Variants in CPT2 observed in about 807,000 individuals in gnomAD.
CPT2 encodes the protein carnitine O-palmitoyltransferase 2, mitochondrial.
CPT2 carries 37 observed loss-of-function variants against 48.6 expected under a neutral mutation model. That is an observed-to-expected ratio of 0.76 (90% CI 0.59 to 1.00). The LOEUF is 1.00. Among genes scored for constraint, CPT2 ranks in the 50% least tolerant of loss-of-function variants. The pLI, the probability that CPT2 is intolerant of heterozygous loss-of-function variation, is 0.00. For synonymous variants in CPT2, 319 were observed against 326.9 expected (o/e 0.98, Z 0.26); for missense variants, 772 against 825.6 (o/e 0.94, Z 0.80).
At chr1:53,213,235 ACT>A (rs1433563073) in intron 4 of CPT2, 27 bp from the exon 5 acceptor site, 1 of 1,611,976 alleles carries the variant, frequency 6.2e-7, no homozygotes, top group Non-Finnish European at 8.5e-7. Flanking sequence ...CCATCCTGAG[ACT>A]CTGGTTTTCC....
At position 53,202,442 on chromosome 1, in the gene CPT2, G is replaced by A; in HGVS notation, c.340+13G>A. On this transcript the variant is annotated intron_variant, in intron 3 of 4. Transcript: ENST00000371486. Reference sequence around the variant, plus strand: ...AGCTACATTTCGGGTAGGTAGGCTGGGCTGTGGGTATGATTTCTCCCAGAG... The same window carrying A: ...AGCTACATTTCGGGTAGGTAGGCTGAGCTGTGGGTATGATTTCTCCCAGAG... The A allele has an allele frequency of 6.3e-7, 1 of 1,594,028 alleles. No homozygotes were observed.
intron 3 of CPT2, chr1:53,202,896 A>G (rs1645363287): frequency 5.8e-6 from 1 of 173,582 alleles, no homozygotes. Context: ...TTGCCTGGCA[A>G]ATTCTTCTTT....
intron 3 of CPT2, among the ~76,000 whole-genome samples, chr1:53,207,221 TCTCTTCTTTATAA>T (rs1645394818): frequency 6.6e-6 from 1 of 152,202 alleles, no homozygotes; most frequent in Non-Finnish European, 1.5e-5. Flanking sequence ...CAGTTAAGCT[TCTCTTCTTTATAA>T]ATTATCCAGT....
intron 1 of CPT2, 93 bp downstream of exon 1, chr1:53,197,188 G>T: frequency 6.8e-7 from 1 of 1,463,164 alleles, no homozygotes; most frequent in Non-Finnish European, 9.2e-7. Context: ...TAGTGAACCC[G>T]TTTCCGCCCC....
intron 1 of CPT2, 59 bp from the exon 2 acceptor site, chr1:53,200,660 A>G: frequency 1.6e-6 from 2 of 1,285,812 alleles, no homozygotes; most frequent in Non-Finnish European, 2.3e-6. Context: ...TTAGCTTGTA[A>G]AGCTAATTAA....
In CPT2 at chr1:53,213,512, A is replaced by G. The variant is rs1042375038; in HGVS notation, c.1894A>G (p.Asn632Asp). 1.9e-6 allele frequency: 3 copies of G among 1,614,244 alleles called. No individual in the cohort carries two copies. The highest frequency in any genetic ancestry group is 3.3e-5 in the Admixed American group (2 of 60,032). Residue 632 changes from asparagine to aspartate, a missense_variant, in exon 5 of 5, where the codon AAT (asparagine) becomes GAT (aspartate). Transcript: ENST00000371486. ...CAATGTCTCTTCCTACCCAGGCCGC[A>G]ATGCCCGGGAGTTTCTCCAATGTGT... ...GCNVSSYPGR[N>D]AREFLQCVEK...
chr1:53,212,918 T>C lies in CPT2; in HGVS notation c.1646-346T>C, dbSNP rs1266487166. The C allele has an allele frequency of 2.4e-5, 12 of 493,442 alleles. No homozygotes were observed. In the Admixed American group the frequency reaches 4.5e-4, roughly 18 times the overall value. The allele number at this position is 493,442 out of a possible 1,614,324, so 30.6% of individuals were successfully genotyped here. ...TACACTTGAATCAGACTTTTAGTTT[T>C]ATTGTAGTTTTTGAGTCCATAGCTG... On this transcript the variant is annotated intron_variant, in intron 4 of 4. Transcript: ENST00000371486.
chr1:53,211,903 T>G (rs1416127143), intron 4 of CPT2, among the ~76,000 whole-genome samples: 1 of 151,868 alleles, frequency 6.6e-6, no homozygotes, highest in African/African-American at 2.4e-5. Flanking sequence ...CTGGCCTTTT[T>G]TTTTTTGGAG....
chr1:53,200,974 C>T (rs1645351757), intron 2 of CPT2, 175 bp downstream of exon 2: 1 of 674,718 alleles, frequency 1.5e-6, no homozygotes, highest in Non-Finnish European at 2.7e-6. Context: ...AAGGACTGAC[C>T]AAGCCCCGAG....
intron 3 of CPT2, among the ~76,000 whole-genome samples, chr1:53,207,115 C>G (rs932750621): frequency 6.6e-6 from 1 of 152,218 alleles, no homozygotes; most frequent in African/African-American, 2.4e-5. Flanking sequence ...TGCTTGTTCT[C>G]TCTCCTGCTG....
At chr1:53,208,618 C>T (rs1327303309) in intron 3 of CPT2, 2 of 152,158 alleles carry the variant, frequency 1.3e-5, no homozygotes, top group Non-Finnish European at 2.9e-5. Context: ...TGAAGACGTT[C>T]CCCCCTTATC....
At chr1:53,203,794 T>TC (rs1382223473) in intron 3 of CPT2, 1 of 151,540 alleles carries the variant, frequency 6.6e-6, no homozygotes, top group African/African-American at 2.4e-5. Flanking sequence ...TTTTTTTTTT[T>TC]TTAAATCAGA....
At position 53,210,804 on chromosome 1, in the gene CPT2, G is replaced by T; in HGVS notation, c.1130G>T (p.Gly377Val). 1 of 1,614,168 alleles carries T rather than the reference G, an allele frequency of 6.2e-7. No homozygotes were observed. The highest frequency in any genetic ancestry group is 2.2e-5 in the East Asian group (1 of 44,880). Residue 377 changes from glycine to valine, a missense_variant, in exon 4 of 5, where the codon GGT becomes GTT. Coordinates refer to ENST00000371486, the MANE Select transcript of CPT2 (RefSeq NM_000098.3). ...CACTTTGAGCACTCTTGGGGTGATGGTGTGGCAGTGCTCAGATTTTTTAAT... is the reference window on the plus strand; with the variant it reads ...CACTTTGAGCACTCTTGGGGTGATGTTGTGGCAGTGCTCAGATTTTTTAAT... ...AVHFEHSWGDGVAVLRFFNEV... is the reference protein window; with the variant it reads ...AVHFEHSWGDVVAVLRFFNEV...
In CPT2 at chr1:53,196,942, C is replaced by T; in HGVS notation, c.-2C>T. On this transcript the variant is annotated 5_prime_UTR_variant, in exon 1 of 5. It adds an upstream start codon to the 5' untranslated region. Transcript: ENST00000371486. ...TTCTCGCCGCCGCAGGCTCCCGGGA[C>T]GATGGTGCCCCGCCTGCTGCTGCGC... 1 of 1,544,882 alleles carries T rather than the reference C, an allele frequency of 6.5e-7. No homozygotes were observed. Among genetic ancestry groups the T allele is most frequent in the Non-Finnish European group, 8.7e-7 (1 of 1,154,322 alleles).
In CPT2 at chr1:53,210,226, C is replaced by G. The variant is rs1236021604; in HGVS notation, c.552C>G (p.Asp184Glu). The change falls in exon 4 of 5, where the codon GAC becomes GAG. Residue 184 changes from aspartate to glutamate, a missense_variant. By Grantham distance (45) the Asp-to-Glu change is conservative. Transcript: ENST00000371486. Reference protein sequence around the residue: ...EVFHLNPAKSDTITFKRLIRF... With the variant: ...EVFHLNPAKSETITFKRLIRF... ...TCCACTTGAACCCTGCAAAAAGTGA[C>G]ACTATCACCTTCAAGAGACTCATAC... 1.2e-6 allele frequency: 2 copies of G among 1,613,980 alleles called. No homozygotes were observed. Among genetic ancestry groups the G allele is most frequent in the African/African-American group, 2.7e-5 (2 of 74,912 alleles).
intron 3 of CPT2, chr1:53,209,782 A>C (rs1645409657): frequency 1.8e-6 from 1 of 547,672 alleles, no homozygotes; most frequent in South Asian, 2.1e-5. Context: ...GTCCCAAAAA[A>C]ACAAAACAAA....
At chr1:53,205,543 A>T (rs1238233384) in intron 3 of CPT2, among the ~76,000 whole-genome samples, 1 of 152,254 alleles carries the variant, frequency 6.6e-6, no homozygotes, top group African/African-American at 2.4e-5. Flanking sequence ...TCTGGGGAGA[A>T]ATTCAAGCCA....
chr1:53,205,044 T>C (rs1329789002), intron 3 of CPT2, among the ~76,000 whole-genome samples: 1 of 152,172 alleles, frequency 6.6e-6, no homozygotes, highest in Non-Finnish European at 1.5e-5. Context: ...CAAAGATACC[T>C]GAAAATGTGG....
Position 53,213,766 on chromosome 1 carries a change from T to C in CPT2, c.*171T>C. The stretch of plus-strand genomic sequence containing the variant: ...CAACATGGTGAAACCTTGTCTCTAC[T>C]AAAAATACAAAAATTAGCTGGGTGT... On this transcript the variant is annotated 3_prime_UTR_variant, in exon 5 of 5. Transcript: ENST00000371486. 1 of 619,614 alleles carries C rather than the reference T, an allele frequency of 1.6e-6. No homozygotes were observed. Among genetic ancestry groups the C allele is most frequent in the East Asian group, 2.9e-5 (1 of 34,674 alleles). 38.4% of individuals were successfully genotyped at this position (619,614 alleles called of 1,614,324 possible).
Sources: allele counts gnomAD v4.1 joint callset (sites outside exome capture counted in the v4.1 genomes callset), GRCh38; gene constraint gnomAD v4.1.1; transcripts MANE v1.5; gene names NCBI Gene and HGNC (gene_info 2026-07-23, HGNC 2026-07-21).